The following NLRC4 variants were observed in gnomAD, a reference collection of about 807,000 sequenced individuals.
NLRC4 encodes the protein NLR family CARD domain containing 4.
A neutral mutation model predicts 79.9 loss-of-function variants in NLRC4; 63 were observed. The observed-to-expected ratio is 0.79, with a 90% confidence interval of 0.64 to 0.97. NLRC4 has a LOEUF of 0.97. Ranked by LOEUF, NLRC4 falls within the 50% of genes least tolerant of loss-of-function variation. The probability of loss-of-function intolerance (pLI) is 0.00; values close to 1 mark genes in which losing one functional copy is unlikely to be tolerated. For missense variants in NLRC4, 1,074 were observed against 1,215.2 expected (o/e 0.88, Z 1.73); for synonymous variants, 461 against 456.5 (o/e 1.01, Z -0.12).
At chr2:32,246,234 TA>T (rs1218133449) in intron 4 of NLRC4, among the ~76,000 whole-genome samples, 1 of 152,032 alleles carries the variant, frequency 6.6e-6, no homozygotes, top group African/African-American at 2.4e-5. Flanking sequence ...TGGCAAACAT[TA>T]AAAAATAATT....
intron 4 of NLRC4, among the ~76,000 whole-genome samples, chr2:32,245,331 A>C (rs1056290098): frequency 2.6e-5 from 4 of 151,198 alleles, no homozygotes; most frequent in East Asian, 3.9e-4. Context: ...AAAAAAAAAA[A>C]AACAGATGAA....
At chr2:32,249,555 CTG>C (rs1193380653) in intron 4 of NLRC4, 50 bp downstream of exon 4, 35 of 1,385,816 alleles carry the variant, frequency 2.5e-5, no homozygotes, top group Non-Finnish European at 3.0e-5. Flanking sequence ...AATTTATACA[CTG>C]TTATTTTTTT....
In NLRC4 at chr2:32,250,389, C is replaced by T. The variant is rs1375814112; in HGVS notation, c.1475G>A (p.Arg492Gln). 1 of 1,614,002 alleles carries T rather than the reference C, an allele frequency of 6.2e-7. No homozygotes were observed. The highest frequency in any genetic ancestry group is 1.3e-5 in the African/African-American group (1 of 74,898). Residue 492 changes from arginine to glutamine, a missense_variant, in exon 4 of 9, where the codon CGG becomes CAG. Coordinates refer to ENST00000402280, the MANE Select transcript of NLRC4 (RefSeq NM_001199138.2). This position sits in a 1 kb window ranked among gnomAD's most constrained non-coding sequence, Gnocchi z 4.9. ...TTCCACAGATGACCCACAGGTGTACCGGAGCAGGCTGCTATAAGTGGATGT... is the reference window on the plus strand; with the variant it reads ...TTCCACAGATGACCCACAGGTGTACTGGAGCAGGCTGCTATAAGTGGATGT... ...DITSTYSSLL[R>Q]YTCGSSVEAT...
chr2:32,226,421 C>A (rs1451982476), intron 8 of NLRC4, among the ~76,000 whole-genome samples: 1 of 152,140 alleles, frequency 6.6e-6, no homozygotes, highest in Non-Finnish European at 1.5e-5. Flanking sequence ...TTTACAGACA[C>A]CTAAAGTGAT....
chr2:32,235,687 A>G, intron 7 of NLRC4, 119 bp from the exon 8 acceptor site: 1 of 786,344 alleles, frequency 1.3e-6, no homozygotes, highest in Non-Finnish European at 2.0e-6. Flanking sequence ...CTCAATCTGT[A>G]ATGAGAATCT....
chr2:32,258,177 A>C (rs1187742119), intron 1 of NLRC4, among the ~76,000 whole-genome samples: 1 of 152,140 alleles, frequency 6.6e-6, no homozygotes, highest in Non-Finnish European at 1.5e-5. Flanking sequence ...CTCCAGGCCA[A>C]ACTCCGAGTC....
chr2:32,249,918 A>C lies in NLRC4; in HGVS notation c.1946T>G (p.Val649Gly). Reference sequence around the variant, plus strand: ...CTGCTTCCAGTTGAAGAACAAAGATACAGCCCTGCTGGGAATGTAGGTTTC... The same window carrying C: ...CTGCTTCCAGTTGAAGAACAAAGATCCAGCCCTGCTGGGAATGTAGGTTTC... ...APETYIPSRA[V>G]SLFFNWKQEF... Residue 649 changes from valine to glycine, a missense_variant, in exon 4 of 9, where the codon GTA becomes GGA. By Grantham distance (109) the Val-to-Gly change is moderately radical. Coordinates refer to ENST00000402280, the MANE Select transcript of NLRC4 (RefSeq NM_001199138.2). 3 of 1,614,230 alleles carry C rather than the reference A, an allele frequency of 1.9e-6. No individual in the cohort carries two copies. Among genetic ancestry groups the C allele is most frequent in the Non-Finnish European group, 2.5e-6 (3 of 1,180,034 alleles).
rs936025626 is a variant in NLRC4, at chr2:32,259,207, C to T, written c.-118-2314G>A. Among the ~76,000 whole-genome samples the T allele has an allele frequency of 4.7e-5, 7 of 150,230 alleles. No homozygotes were observed. In the Admixed American group the frequency reaches 4.7e-4, roughly 10 times the overall value. ...ACCTTCTGGGCTCAGGTGATCTTCC[C>T]ACCTCAGCCTCCTGAGTAACTGGGA... is the stretch of plus-strand genomic sequence containing the variant. On this transcript the variant is annotated intron_variant, in intron 1 of 8. Transcript: ENST00000402280.
chr2:32,237,862 G>C (rs1015561785), intron 6 of NLRC4, among the ~76,000 whole-genome samples: 1 of 152,120 alleles, frequency 6.6e-6, no homozygotes, highest in Non-Finnish European at 1.5e-5. Context: ...CAAGTTTCAA[G>C]CACCTATTTC....
intron 4 of NLRC4, 123 bp from the exon 5 acceptor site, chr2:32,241,248 C>CA: frequency 1.5e-6 from 1 of 654,496 alleles, no homozygotes; most frequent in Non-Finnish European, 2.7e-6. Flanking sequence ...GCCAAAAATG[C>CA]TCATGAAATA....
chr2:32,240,788 C>T (rs1247577425), intron 5 of NLRC4, among the ~76,000 whole-genome samples: 3 of 151,984 alleles, frequency 2.0e-5, no homozygotes, highest in South Asian at 2.1e-4. Flanking sequence ...GCCAGGGAGA[C>T]GGAAGTTAAA....
At chr2:32,257,775 G>C (rs1445358188) in intron 1 of NLRC4, among the ~76,000 whole-genome samples, 1 of 152,028 alleles carries the variant, frequency 6.6e-6, no homozygotes, top group South Asian at 2.1e-4. Context: ...TGCGATGGGG[G>C]TGTGGCTCAC....
Position 32,236,260 on chromosome 2 carries a change from A to C in NLRC4, c.2601T>G (p.Ala867=), listed in dbSNP as rs772506569. ...TGTCATTCTTACTCAGTTCATGAAG[A>C]GCTTCATTTCCATCTTTTTCCAGGT... ...ENYLEKDGNE[A]LHELIDRMNV... The change falls in exon 7 of 9, where the codon GCT becomes GCG. Residue 867 remains alanine, a synonymous_variant. Transcript: ENST00000402280. The C allele has an allele frequency of 6.2e-7, 1 of 1,603,760 alleles. No homozygotes were observed. Among genetic ancestry groups the C allele is most frequent in the South Asian group, 1.1e-5 (1 of 90,358 alleles).
rs200085897 is a variant in NLRC4 at position 32,235,510 on chromosome 2, G to A, written c.2673C>T (p.Asp891=). The change falls in exon 8 of 9, where the codon GAC becomes GAT. Residue 891 remains aspartate (D), a synonymous_variant. Transcript: ENST00000402280. The stretch of plus-strand genomic sequence containing the variant: ...ACAGGCTGCTCAGGCTGCCTTGCAC[G>A]TCACAGCCCCAGGGCAGCATCAGTG... ...LTALMLPWGC[D]VQGSLSSLLK... 47 of 1,614,114 alleles carry A rather than the reference G, an allele frequency of 2.9e-5. No individual in the cohort carries two copies. In the East Asian group the frequency reaches 4.5e-4, roughly 15 times the overall value.
intron 8 of NLRC4, among the ~76,000 whole-genome samples, chr2:32,234,198 G>A (rs898007818): frequency 5.9e-5 from 9 of 151,992 alleles, no homozygotes; most frequent in African/African-American, 1.4e-4. Context: ...TGGCTAACAC[G>A]GTGAAACTCC....
At chr2:32,236,458 AC>A (rs1438705235) in intron 6 of NLRC4, 119 bp from the exon 7 acceptor site, 1 of 640,210 alleles carries the variant, frequency 1.6e-6, no homozygotes, top group Non-Finnish European at 2.7e-6. Context: ...GCAAACCATA[AC>A]TTGCCTTGGT....
chr2:32,242,512 G>A (rs1686829933), intron 4 of NLRC4, among the ~76,000 whole-genome samples: 1 of 152,172 alleles, frequency 6.6e-6, no homozygotes. Flanking sequence ...AATTGAATTT[G>A]TTATCTAAAA....
rs1397767599 is a variant in NLRC4 at position 32,224,622 on chromosome 2, C to A, written c.2926G>T (p.Glu976Ter). 5.0e-6 allele frequency: 8 copies of A among 1,613,870 alleles called. No individual in the cohort carries two copies. The highest frequency in any genetic ancestry group is 6.8e-6 in the Non-Finnish European group (8 of 1,179,856). Residue 976 changes from glutamate to a stop codon, truncating the protein, a stop_gained, in exon 9 of 9, where the codon GAA (glutamate) becomes TAA (stop). Coordinates refer to ENST00000402280, the MANE Select transcript of NLRC4 (RefSeq NM_001199138.2). LOFTEE classifies it high-confidence loss of function. ...ACTAATGCTGGATCAGGTAGAAATT[C>A]TTTAGTACTAAAGTCAAAAAACACT... Reference protein sequence around the residue: ...QLVFFDFSTKEFLPDPALVRK... With the variant: ...QLVFFDFSTK
chr2:32,252,586 A>G lies in NLRC4; in HGVS notation c.95T>C (p.Val32Ala). The change falls in exon 3 of 9, where the codon GTT (valine) becomes GCT (alanine). Residue 32 changes from valine (V) to alanine (A), a missense_variant. Physicochemically the swap from Val to Ala is moderately conservative, Grantham distance 64. Coordinates refer to ENST00000402280, the MANE Select transcript of NLRC4 (RefSeq NM_001199138.2). ...QITDDLFVWNVLNREEVNIIC... is the reference protein window; with the variant it reads ...QITDDLFVWNALNREEVNIIC... The stretch of plus-strand genomic sequence containing the variant: ...GATGTTTACTTCTTCGCGATTCAGA[A>G]CATTCCATACAAATAGGTCATCTGT... 1 of 1,614,210 alleles carries G rather than the reference A, an allele frequency of 6.2e-7. No individual in the cohort carries two copies. The highest frequency in any genetic ancestry group is 8.5e-7 in the Non-Finnish European group (1 of 1,180,016).
Sources: gnomAD v4.1 joint callset for allele counts (sites outside exome capture counted in the v4.1 genomes callset) on GRCh38, gnomAD v4.1.1 for gene constraint, Gnocchi (gnomAD v3.1) non-coding constraint, MANE v1.5 for transcripts, NCBI Gene and HGNC (gene_info 2026-07-23, HGNC 2026-07-21) for gene names.